Variants in ANKRD11 observed in about 807,000 individuals in gnomAD.
The protein encoded by ANKRD11 is ankyrin repeat domain 11, also known as ankyrin repeat domain-containing protein 11.
Under a neutral mutation model 195.7 loss-of-function variants are expected in ANKRD11, and 17 were observed. That is an observed-to-expected ratio of 0.09 (90% CI 0.06 to 0.13). ANKRD11 has a LOEUF of 0.13. Ranked by LOEUF, ANKRD11 falls within the 10% of genes least tolerant of loss-of-function variation. The pLI is 1.00. For missense variants in ANKRD11, 3,735 were observed against 3,566.1 expected (o/e 1.05, Z -1.21); for synonymous variants, 1,953 against 1,528.1 (o/e 1.28, Z -6.49).
intron 4 of ANKRD11, among the ~76,000 whole-genome samples, chr16:89,292,241 C>T (rs184037932): frequency 3.3e-5 from 5 of 152,290 alleles, no homozygotes; most frequent in Admixed American, 2.0e-4. Flanking sequence ...ATTCAGCACT[C>T]CCAAGAAGCC....
chr16:89,282,549 G>A lies in ANKRD11; in HGVS notation c.3993C>T (p.Asp1331=), dbSNP rs141054850. 3.1e-5 allele frequency: 50 copies of A among 1,613,796 alleles called. No homozygotes were observed. The highest frequency in any genetic ancestry group is 3.6e-5 in the Non-Finnish European group (43 of 1,179,966). ...LEVSFTEPPG[D]DKPRESACLP... ...GGCAGGCGCTCTCCCTCGGCTTGTC[G>A]TCTCCAGGTGGCTCCGTGAAAGAGA... Residue 1331 remains aspartate (D), a synonymous_variant, in exon 9 of 13, where the codon GAC becomes GAT. Transcript: ENST00000301030.
intron 1 of ANKRD11, among the ~76,000 whole-genome samples, chr16:89,455,614 C>A (rs989517990): frequency 6.6e-6 from 1 of 151,958 alleles, no homozygotes; most frequent in Non-Finnish European, 1.5e-5. Flanking sequence ...AAGCAGAGAA[C>A]GCCTAATGAA....
intron 4 of ANKRD11, chr16:89,298,309 C>G (rs763605344): frequency 6.6e-6 from 1 of 152,332 alleles, no homozygotes; most frequent in Non-Finnish European, 1.5e-5. Flanking sequence ...GATCAACGTC[C>G]AAACCTGCGC....
intron 2 of ANKRD11, among the ~76,000 whole-genome samples, chr16:89,336,505 T>C (rs539805742): frequency 6.6e-6 from 1 of 152,314 alleles, no homozygotes; most frequent in South Asian, 2.1e-4. Context: ...TAGCAGGACA[T>C]TGCCCAGATT....
intron 2 of ANKRD11, among the ~76,000 whole-genome samples, chr16:89,376,079 T>C (rs137981656): frequency 1.6e-3 from 237 of 152,304 alleles, no homozygotes; most frequent in Admixed American, 2.6e-3. Context: ...GGCTTGAAAA[T>C]TTTTTTGTGA....
chr16:89,457,265 T>TA (rs2152326437), intron 1 of ANKRD11, among the ~76,000 whole-genome samples: 1 of 148,180 alleles, frequency 6.7e-6, no homozygotes. Flanking sequence ...GGCCGAGTCT[T>TA]ACCTCAATAA....
intron 1 of ANKRD11, among the ~76,000 whole-genome samples, chr16:89,476,476 A>G (rs2057262537): frequency 6.6e-6 from 1 of 152,224 alleles, no homozygotes; most frequent in Non-Finnish European, 1.5e-5. Context: ...AATACAAACC[A>G]AAACCTGGCC....
chr16:89,436,990 AGAT>A, intron 1 of ANKRD11, among the ~76,000 whole-genome samples: 1 of 152,372 alleles, frequency 6.6e-6, no homozygotes, highest in South Asian at 2.1e-4. Flanking sequence ...TTTAAACAAA[AGAT>A]GGTCAAAGTT....
At chr16:89,381,048 C>T (rs535696470) in intron 2 of ANKRD11, among the ~76,000 whole-genome samples, 2 of 152,190 alleles carry the variant, frequency 1.3e-5, no homozygotes, top group South Asian at 4.1e-4. Context: ...GGCGGCTGGG[C>T]GAGGTGGCTC....
rs745977742 is a variant in ANKRD11, at chr16:89,290,755, G to A, written c.471C>T (p.Thr157=). The stretch of plus-strand genomic sequence containing the variant: ...CGTTTCTCTTGTTCACTTTATCTTT[G>A]GTTTTTGAGGCAGAGTTGGGCGTTC... ...QKGTPNSASK[T]KDKVNKRNER... The change falls in exon 6 of 13, where the codon ACC becomes ACT. Residue 157 remains threonine (T), a synonymous_variant. Transcript: ENST00000301030. The A allele has an allele frequency of 6.2e-7, 1 of 1,614,026 alleles. No individual in the cohort carries two copies. Among genetic ancestry groups the A allele is most frequent in the Non-Finnish European group, 8.5e-7 (1 of 1,180,020 alleles).
chr16:89,290,406 TGGGGGAGGCTCAGGGCTCCAATG>T lies in ANKRD11; in HGVS notation c.601+196_601+218del, dbSNP rs2034974059. Among the ~76,000 whole-genome samples the T allele has an allele frequency of 5.8e-4, 16 of 27,444 alleles. 1 individual carries two copies. The highest frequency in any genetic ancestry group is 2.7e-3 in the East Asian group (4 of 1,464). 18.0% of individuals were successfully genotyped at this position (27,444 alleles called of 152,430 possible). A position where few individuals can be genotyped will look rare whatever the true frequency, so the allele number is the denominator to read the frequency against. The stretch of plus-strand genomic sequence containing the variant: ...AGCGGGGGAGGCTCAGGGCTCCAAT[TGGGGGAGGCTCAGGGCTCCAATG>T]GGGGGAGGCTCAGGGCTCCAATGGG... On this transcript the variant is annotated intron_variant, in intron 6 of 12. Coordinates refer to ENST00000301030, the MANE Select transcript of ANKRD11 (RefSeq NM_013275.6).
In ANKRD11 at chr16:89,371,969, G is replaced by A. The variant is rs2040212436; in HGVS notation, c.-60+46315C>T. On this transcript the variant is annotated intron_variant, in intron 2 of 12. Transcript: ENST00000301030. ...CTCCATAGAAATCAGCTGGAAGAAA[G>A]AACCCACAGAGGCTCTAAAGATGGG... Among the ~76,000 whole-genome samples the A allele has an allele frequency of 2.6e-5, 4 of 152,182 alleles. No individual in the cohort carries two copies. The South Asian group carries it at 6.2e-4, about 24-fold the overall frequency.
chr16:89,461,794 T>G (rs2056679210), intron 1 of ANKRD11, among the ~76,000 whole-genome samples: 1 of 152,188 alleles, frequency 6.6e-6, no homozygotes, highest in Admixed American at 6.5e-5. Flanking sequence ...ACTATGGTCA[T>G]TCCCATTAAA....
intron 1 of ANKRD11, among the ~76,000 whole-genome samples, chr16:89,437,448 A>C (rs1349878368): frequency 1.3e-5 from 2 of 151,128 alleles, no homozygotes; most frequent in African/African-American, 4.9e-5. Context: ...CTCTCTCCTC[A>C]TTCACCTCTT....
intron 4 of ANKRD11, chr16:89,298,136 T>A (rs187809803): frequency 6.6e-6 from 1 of 152,206 alleles, no homozygotes; most frequent in Admixed American, 6.5e-5. Context: ...CTGAGCCCCA[T>A]GGTGGTTTCA....
intron 4 of ANKRD11, among the ~76,000 whole-genome samples, chr16:89,293,480 AGGGAGGAGCTGGGGCAGAGTT>A (rs1339997616): frequency 3.7e-4 from 49 of 131,560 alleles, no homozygotes; most frequent in African/African-American, 1.3e-3. Flanking sequence ...GTGGCTGCGG[AGGGAGGAGCTGGGGCAGAGTT>A]GGGGCTGCAG....
chr16:89,283,112 G>A lies in ANKRD11; in HGVS notation c.3430C>T (p.Pro1144Ser). The A allele has an allele frequency of 6.2e-7, 1 of 1,613,864 alleles. No individual in the cohort carries two copies. Residue 1144 changes from proline to serine, a missense_variant, in exon 9 of 13, where the codon CCG becomes TCG. Physicochemically the swap from Pro to Ser is moderately conservative, Grantham distance 74. Transcript: ENST00000301030. The surrounding 1 kb of genome is among the most constrained non-coding windows in gnomAD (Gnocchi z 4.3). ...TTCTCCTGGAGGCCGTCCGTCCTCG[G>A]CAAGTCGCTGGCCTCTCCCATCTTG... ...GFKMGEASDL[P>S]RTDGLQEKEE...
At chr16:89,483,562 C>T (rs1353115016) in intron 1 of ANKRD11, among the ~76,000 whole-genome samples, 2 of 152,230 alleles carry the variant, frequency 1.3e-5, no homozygotes, top group Non-Finnish European at 2.9e-5. Context: ...GGCATGGTGG[C>T]TCACGCCTGT....
At position 89,281,538 on chromosome 16, in the gene ANKRD11, T is replaced by G; in HGVS notation, c.5004A>C (p.Leu1668=). ...TGGAGTCTGCACCTGATGCTGGGTG[T>G]AGCTTATTTTCCGCGGCAGGTGGAA... ...TPIPPAAENK[L]HPASGADSKD... The change falls in exon 9 of 13, where the codon CTA becomes CTC. Residue 1668 remains leucine (L), a synonymous_variant. Coordinates refer to ENST00000301030, the MANE Select transcript of ANKRD11 (RefSeq NM_013275.6). The surrounding 1 kb of genome is among the most constrained non-coding windows in gnomAD (Gnocchi z 5.5). The G allele has an allele frequency of 6.2e-7, 1 of 1,614,178 alleles. No individual in the cohort carries two copies. Among genetic ancestry groups the G allele is most frequent in the Non-Finnish European group, 8.5e-7 (1 of 1,180,032 alleles).
Sources: allele counts gnomAD v4.1 joint callset (sites outside exome capture counted in the v4.1 genomes callset), GRCh38; gene constraint gnomAD v4.1.1; non-coding constraint Gnocchi (gnomAD v3.1); transcripts MANE v1.5; gene names NCBI Gene and HGNC (gene_info 2026-07-23, HGNC 2026-07-21).